The following DHX29 variants were observed in gnomAD, a reference collection of about 807,000 sequenced individuals.
DHX29 encodes the protein DExH-box helicase 29, also known as ATP-dependent RNA helicase DHX29.
In DHX29, 79 loss-of-function variants were observed where a neutral mutation model predicts 167.9. The observed-to-expected ratio is 0.47, with a 90% CI of 0.39 to 0.57. The LOEUF is 0.57. Ranked by LOEUF, DHX29 falls within the 20% of genes least tolerant of loss-of-function variation. DHX29 has a pLI of 0.00. For synonymous variants in DHX29, 530 were observed against 546.0 expected (o/e 0.97, Z 0.41); for missense variants, 1,347 against 1,593.4 (o/e 0.85, Z 2.63).
intron 1 of DHX29, among the ~76,000 whole-genome samples, chr5:55,300,545 T>G (rs576932811): frequency 6.6e-6 from 1 of 152,078 alleles, no homozygotes; most frequent in African/African-American, 2.4e-5. Context: ...TGGTGATGCA[T>G]GCCTGTAATC....
At chr5:55,274,797 T>C in intron 15 of DHX29, 66 bp from the exon 16 acceptor site, 2 of 1,564,192 alleles carry the variant, frequency 1.3e-6, no homozygotes, top group Middle Eastern at 1.7e-4. Context: ...AAAATATTAA[T>C]AAAACATCTC....
chr5:55,260,818 A>T (rs1746278936), intron 25 of DHX29, among the ~76,000 whole-genome samples: 1 of 152,242 alleles, frequency 6.6e-6, no homozygotes, highest in African/African-American at 2.4e-5. Flanking sequence ...ACTTATTGCC[A>T]GAAATAAGCA....
chr5:55,301,297 G>C (rs905950468), intron 1 of DHX29, among the ~76,000 whole-genome samples: 1 of 152,136 alleles, frequency 6.6e-6, no homozygotes, highest in Non-Finnish European at 1.5e-5. Flanking sequence ...GAAAATGAGC[G>C]TGAAAAATGG....
chr5:55,263,474 G>A (rs1198611703), intron 23 of DHX29, among the ~76,000 whole-genome samples: 2 of 152,026 alleles, frequency 1.3e-5, no homozygotes, highest in African/African-American at 4.8e-5. Flanking sequence ...CACAGGAAGG[G>A]TGGGCATTTT....
chr5:55,304,535 C>T (rs975388630), intron 1 of DHX29, among the ~76,000 whole-genome samples: 1 of 151,676 alleles, frequency 6.6e-6, no homozygotes, highest in Non-Finnish European at 1.5e-5. Flanking sequence ...CTCCTGACCT[C>T]GTGATCCGCC....
chr5:55,283,500 C>A lies in DHX29; in HGVS notation c.1668G>T (p.Leu556Phe), dbSNP rs765013805. The A allele has an allele frequency of 1.6e-5, 26 of 1,614,160 alleles. 1 individual carries two copies. The highest frequency in any genetic ancestry group is 2.1e-5 in the Non-Finnish European group (25 of 1,180,040). ...LEPVRNLFRK[L>F]QSTPKYQKLL... ...GTTTCTGATACTTAGGTGTGCTTTG[C>A]AACTTTCTAAAGAGGTTTCTAACAG... Residue 556 changes from leucine to phenylalanine, a missense_variant, in exon 11 of 27, where the codon TTG (leucine) becomes TTT (phenylalanine). By Grantham distance (22) the Leu-to-Phe change is conservative. This residue lies in a region of DHX29 where 882 missense variants were observed against 1,082.4 expected (regional missense o/e 0.81). Coordinates refer to ENST00000251636, the MANE Select transcript of DHX29 (RefSeq NM_019030.4).
At chr5:55,287,279 A>G (rs1747782592) in intron 8 of DHX29, among the ~76,000 whole-genome samples, 1 of 152,120 alleles carries the variant, frequency 6.6e-6, no homozygotes, top group Admixed American at 6.5e-5. Flanking sequence ...CGTCTCTACT[A>G]AAAATACAAA....
rs533943019 is a variant in DHX29 at position 55,267,818 on chromosome 5, G to A, written c.3299C>T (p.Thr1100Ile). Reference sequence around the variant, plus strand: ...CTTCTCTGTCATAACTGCAGCTAGTGTTGCCTATCCATAAATCATAAATGA... The same window carrying A: ...CTTCTCTGTCATAACTGCAGCTAGTATTGCCTATCCATAAATCATAAATGA... ...AIFGCLDPVATLAAVMTEKSP... is the reference protein window; with the variant it reads ...AIFGCLDPVAILAAVMTEKSP... The change falls in exon 22 of 27, where the codon ACA (threonine) becomes ATA (isoleucine). Residue 1100 changes from threonine (T) to isoleucine (I), a missense_variant. Physicochemically the swap from Thr to Ile is moderately conservative, Grantham distance 89 (BLOSUM62 -1). Around this residue, in one of 3 missense-constraint regions of DHX29, gnomAD observed 882 missense variants for 1,082.4 expected, o/e 0.81. Transcript: ENST00000251636. 4.4e-6 allele frequency: 7 copies of A among 1,592,264 alleles called. No individual in the cohort carries two copies. Among genetic ancestry groups the A allele is most frequent in the Admixed American group, 3.5e-5 (2 of 57,742 alleles).
chr5:55,274,671 G>A lies in DHX29; in HGVS notation c.2633C>T (p.Ala878Val). ...GAVLIFLPGLAHIQQLYDLLS... is the reference protein window; with the variant it reads ...GAVLIFLPGLVHIQQLYDLLS... ...AAGATCATACAACTGCTGAATATGA[G>A]CAAGTCCTGGTAAAAAGATCAATAC... The change falls in exon 16 of 27, where the codon GCT becomes GTT. Residue 878 changes from alanine to valine, a missense_variant. Physicochemically the swap from Ala to Val is moderately conservative, Grantham distance 64. Coordinates refer to ENST00000251636, the MANE Select transcript of DHX29 (RefSeq NM_019030.4). 1 of 1,604,628 alleles carries A rather than the reference G, an allele frequency of 6.2e-7. No individual in the cohort carries two copies. Among genetic ancestry groups the A allele is most frequent in the Non-Finnish European group, 8.5e-7 (1 of 1,176,712 alleles).
chr5:55,290,875 T>G (rs1748008910), intron 6 of DHX29, among the ~76,000 whole-genome samples: 1 of 151,564 alleles, frequency 6.6e-6, no homozygotes, highest in African/African-American at 2.4e-5. Context: ...ATTAGCTGGG[T>G]GTGGGGGTGG....
At position 55,289,435 on chromosome 5, in the gene DHX29, A is replaced by T; in HGVS notation, c.908-7T>A. 1 of 1,519,814 alleles carries T rather than the reference A, an allele frequency of 6.6e-7. No homozygotes were observed. The highest frequency in any genetic ancestry group is 8.7e-7 in the Non-Finnish European group (1 of 1,145,836). The allele number at this position is 1,519,814 out of a possible 1,614,324, so 94.1% of individuals were successfully genotyped here. A position where few individuals can be genotyped will look rare whatever the true frequency, so the allele number is the denominator to read the frequency against. On this transcript the variant is annotated splice_polypyrimidine_tract_variant and splice_region_variant and intron_variant, in intron 7 of 26. Coordinates refer to ENST00000251636, the MANE Select transcript of DHX29 (RefSeq NM_019030.4). ...TCTTCTAAAGTTTCCATTTCTACCA[A>T]GAAAAAAATATAATGTTTAGTTTCA...
intron 1 of DHX29, among the ~76,000 whole-genome samples, chr5:55,300,367 C>A (rs1748538077): frequency 6.8e-6 from 1 of 147,356 alleles, no homozygotes; most frequent in Non-Finnish European, 1.5e-5. Context: ...AGAGTGAGAC[C>A]CTGTCTCTAA....
chr5:55,302,356 T>C (rs2111981869), intron 1 of DHX29, among the ~76,000 whole-genome samples: 1 of 152,278 alleles, frequency 6.6e-6, no homozygotes. Context: ...CAAGACTACA[T>C]GGAGAAACAG....
At chr5:55,273,886 AGACCGG>A (rs1315748969) in intron 16 of DHX29, among the ~76,000 whole-genome samples, 4 of 152,128 alleles carry the variant, frequency 2.6e-5, no homozygotes, top group African/African-American at 9.7e-5. Flanking sequence ...CAGGAGTTTG[AGACCGG>A]CCTGGTCAAC....
chr5:55,296,157 A>G, intron 4 of DHX29, 63 bp downstream of exon 4: 1 of 1,522,722 alleles, frequency 6.6e-7, no homozygotes, highest in Non-Finnish European at 8.8e-7. Context: ...CAAAAGGTTG[A>G]TACAAATACC....
chr5:55,259,550 A>C (rs1168726102), intron 26 of DHX29, among the ~76,000 whole-genome samples: 2 of 152,052 alleles, frequency 1.3e-5, no homozygotes, highest in Non-Finnish European at 2.9e-5. Context: ...TACGCCTCTC[A>C]GGTTCAAGTG....
intron 21 of DHX29, 136 bp downstream of exon 21, chr5:55,269,277 G>C: frequency 1.3e-6 from 1 of 750,748 alleles, no homozygotes; most frequent in South Asian, 1.9e-5. Context: ...CAAGCATTCA[G>C]GCCCTCTCGG....
chr5:55,291,037 A>G (rs1416332799), intron 6 of DHX29, among the ~76,000 whole-genome samples: 2 of 152,126 alleles, frequency 1.3e-5, no homozygotes, highest in African/African-American at 4.8e-5. Context: ...TTTCATAAGT[A>G]TGTGTATTTA....
chr5:55,281,556 T>A (rs1377609287), intron 11 of DHX29, 41 bp from the exon 12 acceptor site: 3 of 1,425,446 alleles, frequency 2.1e-6, no homozygotes, highest in Non-Finnish European at 2.8e-6. Context: ...TTCTCATGAG[T>A]AATATGGGAA....
Sources: gnomAD v4.1 joint callset for allele counts (sites outside exome capture counted in the v4.1 genomes callset) on GRCh38, gnomAD v4.1.1 for gene constraint, gnomAD v4.1.1 regional missense constraint, MANE v1.5 for transcripts, NCBI Gene and HGNC (gene_info 2026-07-23, HGNC 2026-07-21) for gene names.